Variants in CAD observed in about 807,000 individuals in gnomAD.
CAD encodes the protein carbamoyl-phosphate synthetase 2, aspartate transcarbamylase, and dihydroorotase.
In CAD, 81 loss-of-function variants were observed where a neutral mutation model predicts 237.2. The observed-to-expected ratio is 0.34, with a 90% CI of 0.29 to 0.41. CAD has a LOEUF of 0.41. Ranked by LOEUF, CAD falls within the 10% of genes least tolerant of loss-of-function variation. The pLI is 1.00. For missense variants in CAD, 2,181 were observed against 2,951.7 expected (o/e 0.74, Z 6.05); for synonymous variants, 1,196 against 1,162.8 (o/e 1.03, Z -0.58).
At chr2:27,227,936 A>G (rs1029403172) in intron 15 of CAD, among the ~76,000 whole-genome samples, 2 of 152,240 alleles carry the variant, frequency 1.3e-5, no homozygotes, top group Admixed American at 1.3e-4. Flanking sequence ...CCGTGTATCT[A>G]CGACTGCATA....
Position 27,217,421 on chromosome 2 carries a change from G to T in CAD, c.-131G>T. On this transcript the variant is annotated 5_prime_UTR_variant, in exon 1 of 44. Transcript: ENST00000264705. Reference sequence around the variant, plus strand: ...CCGAGGCTCCTACGCTGCCGCGCCCGGCTTCTCTCCAGCGCCCCGCGCCGT... The same window carrying T: ...CCGAGGCTCCTACGCTGCCGCGCCCTGCTTCTCTCCAGCGCCCCGCGCCGT... 1 of 799,086 alleles carries T rather than the reference G, an allele frequency of 1.3e-6. No individual in the cohort carries two copies. Among genetic ancestry groups the T allele is most frequent in the African/African-American group, 1.8e-5 (1 of 56,214 alleles). The allele number at this position is 799,086 out of a possible 1,614,324, so 49.5% of individuals were successfully genotyped here.
In CAD at chr2:27,232,538, C is replaced by G. The variant is rs1675810995; in HGVS notation, c.2736C>G (p.Ala912=). The change falls in exon 18 of 44, where the codon GCC becomes GCG. Residue 912 remains alanine (A), a synonymous_variant. Coordinates refer to ENST00000264705, the MANE Select transcript of CAD (RefSeq NM_004341.5). The surrounding 1 kb of genome is among the most constrained non-coding windows in gnomAD (Gnocchi z 4.1). ...ACACAGTTGCAGCTGAGTGGCCAGCCCAGACAAATTACCTATACCTAACGT... is the reference window on the plus strand; with the variant it reads ...ACACAGTTGCAGCTGAGTGGCCAGCGCAGACAAATTACCTATACCTAACGT... ...QIDTVAAEWP[A]QTNYLYLTYW... is the part of the protein sequence containing the mutation. 1 of 1,614,098 alleles carries G rather than the reference C, an allele frequency of 6.2e-7. No individual in the cohort carries two copies. The highest frequency in any genetic ancestry group is 8.5e-7 in the Non-Finnish European group (1 of 1,180,012).
At chr2:27,219,060 A>G (rs546116734) in intron 2 of CAD, among the ~76,000 whole-genome samples, 3 of 152,356 alleles carry the variant, frequency 2.0e-5, no homozygotes, top group East Asian at 1.9e-4. Flanking sequence ...CTCTAGACAC[A>G]CTGACTAAAT....
At position 27,233,049 on chromosome 2, in the gene CAD, A is replaced by G. The variant is rs746257636; in HGVS notation, c.2900A>G (p.Tyr967Cys). ...TTCCCCTCCCTCTTGCAGATGGGAT[A>G]TAAGACCATCATGGTGAACTATAAC... ...GCIQQLRKMG[Y>C]KTIMVNYNPE... The change falls in exon 19 of 44, where the codon TAT becomes TGT. Residue 967 changes from tyrosine to cysteine, a missense_variant. Coordinates refer to ENST00000264705, the MANE Select transcript of CAD (RefSeq NM_004341.5). The surrounding 1 kb of genome is among the most constrained non-coding windows in gnomAD (Gnocchi z 6.3). The G allele has an allele frequency of 1.7e-5, 27 of 1,607,636 alleles. No individual in the cohort carries two copies. The highest frequency in any genetic ancestry group is 1.7e-5 in the Non-Finnish European group (20 of 1,174,186).
In CAD at chr2:27,233,611, C is replaced by G. The variant is rs1675869358; in HGVS notation, c.3217-15C>G. ...AAAGTGTGAACAACTCAGCTAAGCTCCCTGCCTCCTGTAGTCTGCTCGCCA... is the reference window on the plus strand; with the variant it reads ...AAAGTGTGAACAACTCAGCTAAGCTGCCTGCCTCCTGTAGTCTGCTCGCCA... On this transcript the variant is annotated splice_polypyrimidine_tract_variant and intron_variant, in intron 20 of 43. Coordinates refer to ENST00000264705, the MANE Select transcript of CAD (RefSeq NM_004341.5). The surrounding 1 kb of genome is among the most constrained non-coding windows in gnomAD (Gnocchi z 6.3). 6.2e-7 allele frequency: 1 copy of G among 1,613,956 alleles called. No homozygotes were observed. Among genetic ancestry groups the G allele is most frequent in the Non-Finnish European group, 8.5e-7 (1 of 1,180,016 alleles).
At chr2:27,238,749 A>T in intron 31 of CAD, 117 bp downstream of exon 31, 1 of 951,696 alleles carries the variant, frequency 1.1e-6, no homozygotes, top group South Asian at 1.7e-5. Flanking sequence ...CTTGATCCGT[A>T]TGGGACCCTA....
chr2:27,226,364 C>A (rs752318138), intron 13 of CAD, 45 bp downstream of exon 13: 1 of 1,590,568 alleles, frequency 6.3e-7, no homozygotes, highest in South Asian at 1.1e-5. Context: ...GTTACCCCCT[C>A]TTCTTGTATA....
chr2:27,225,166 C>T lies in CAD; in HGVS notation c.1543C>T (p.Arg515Ter). ...GGAGACCATTGAGCTGACCGAGGAT[C>T]GACGGGCCTTTGCTGCCAGAATGGC... The part of the protein sequence containing the change: ...PVETIELTED[R>*]RAFAARMAEI... Residue 515 changes from arginine (R) to a stop codon, truncating the protein, a stop_gained, in exon 11 of 44, where the codon CGA becomes TGA. Coordinates refer to ENST00000264705, the MANE Select transcript of CAD (RefSeq NM_004341.5). LOFTEE classifies it high-confidence loss of function. 8.1e-6 allele frequency: 13 copies of T among 1,614,122 alleles called. No individual in the cohort carries two copies. Among genetic ancestry groups the T allele is most frequent in the Non-Finnish European group, 1.1e-5 (13 of 1,180,024 alleles).
At chr2:27,229,994 T>G (rs905166644) in intron 15 of CAD, among the ~76,000 whole-genome samples, 12 of 152,006 alleles carry the variant, frequency 7.9e-5, no homozygotes, top group Non-Finnish European at 1.6e-4. Context: ...TCCCAGCACT[T>G]TGGGAGGCCG....
Position 27,220,656 on chromosome 2 carries a change from CAAAA to C in CAD, c.223-551_223-548del, listed in dbSNP as rs111297719. 3.9e-5 allele frequency among the ~76,000 whole-genome samples: 5 copies of C among 127,080 alleles called. No homozygotes were observed. In the Admixed American group the frequency reaches 4.1e-4, roughly 10 times the overall value. The allele number at this position is 127,080 out of a possible 152,430, so 83.4% of individuals were successfully genotyped here. On this transcript the variant is annotated intron_variant, in intron 2 of 43. Coordinates refer to ENST00000264705, the MANE Select transcript of CAD (RefSeq NM_004341.5). ...CCTGGATAACAGCAAGACCCTGTCT[CAAAA>C]AAAAAAAAAAGGAATGGCTAGGTGC...
Position 27,233,060 on chromosome 2 carries a change from A to C in CAD, c.2911A>C (p.Met971Leu), listed in dbSNP as rs1223444209. 1 of 1,609,572 alleles carries C rather than the reference A, an allele frequency of 6.2e-7. No individual in the cohort carries two copies. Among genetic ancestry groups the C allele is most frequent in the South Asian group, 1.1e-5 (1 of 90,926 alleles). The change falls in exon 19 of 44, where the codon ATG becomes CTG. Residue 971 changes from methionine (M) to leucine (L), a missense_variant. Physicochemically the swap from Met to Leu is conservative, Grantham distance 15. Around this residue, in one of 12 missense-constraint regions of CAD, gnomAD observed 385 missense variants for 535.1 expected, o/e 0.72. Coordinates refer to ENST00000264705, the MANE Select transcript of CAD (RefSeq NM_004341.5). The surrounding 1 kb of genome is among the most constrained non-coding windows in gnomAD (Gnocchi z 6.3). ...CTTGCAGATGGGATATAAGACCATC[A>C]TGGTGAACTATAACCCAGAGACAGT... ...QLRKMGYKTI[M>L]VNYNPETVST...
chr2:27,240,475 T>G lies in CAD; in HGVS notation c.5593+114T>G. ...TCCTCTCCATCCCTTTATCCTCGTC[T>G]GATCTGCCGTGCCATCCTTTGCCTA... On this transcript the variant is annotated intron_variant, in intron 35 of 43. Transcript: ENST00000264705. The surrounding 1 kb of genome is among the most constrained non-coding windows in gnomAD (Gnocchi z 4.6). The G allele has an allele frequency of 1.4e-6, 2 of 1,479,680 alleles. No homozygotes were observed. The highest frequency in any genetic ancestry group is 1.9e-6 in the Non-Finnish European group (2 of 1,069,754). The allele number at this position is 1,479,680 out of a possible 1,614,324, so 91.7% of individuals were successfully genotyped here.
rs1676279473 is a variant in CAD at position 27,240,798 on chromosome 2, T to C, written c.5594-113T>C. The C allele has an allele frequency of 7.8e-7, 1 of 1,275,032 alleles. No homozygotes were observed. Among genetic ancestry groups the C allele is most frequent in the Non-Finnish European group, 1.1e-6 (1 of 892,050 alleles). 79.0% of individuals were successfully genotyped at this position (1,275,032 alleles called of 1,614,324 possible). A position where few individuals can be genotyped will look rare whatever the true frequency, so the allele number is the denominator to read the frequency against. The stretch of plus-strand genomic sequence containing the variant: ...GCCCTCCCCTAACCTGCTATATTAC[T>C]GTGTTGTGAATTGGTTTAACATATA... On this transcript the variant is annotated intron_variant, in intron 35 of 43. Transcript: ENST00000264705. This position sits in a 1 kb window ranked among gnomAD's most constrained non-coding sequence, Gnocchi z 4.6.
rs771588666 is a variant in CAD at position 27,241,388 on chromosome 2, A to C, written c.5875A>C (p.Ile1959Leu). 6.2e-7 allele frequency: 1 copy of C among 1,614,142 alleles called. No individual in the cohort carries two copies. The highest frequency in any genetic ancestry group is 1.1e-5 in the South Asian group (1 of 91,080). Residue 1959 changes from isoleucine (I) to leucine (L), a missense_variant, in exon 38 of 44, where the codon ATC becomes CTC. Around this residue, in one of 12 missense-constraint regions of CAD, gnomAD observed 203 missense variants for 284.5 expected, o/e 0.71. Coordinates refer to ENST00000264705, the MANE Select transcript of CAD (RefSeq NM_004341.5). This position sits in a 1 kb window ranked among gnomAD's most constrained non-coding sequence, Gnocchi z 4.6. ...MMVQKERSLD[I>L]LKGKVMASMF... ...GGTGCAGAAGGAGCGGAGCCTCGAC[A>C]TCCTGAAGGTCAGGATCAGGGCCGG...
In CAD at chr2:27,236,841, G is replaced by A; in HGVS notation, c.4396+11G>A. 1 of 1,613,160 alleles carries A rather than the reference G, an allele frequency of 6.2e-7. No homozygotes were observed. The highest frequency in any genetic ancestry group is 8.5e-7 in the Non-Finnish European group (1 of 1,179,202). ...TTGTGCGACTGCCGGGTAAGTCTTTGGGGAGAACTTGGCTTCTGAACACTG... is the reference window on the plus strand; with the variant it reads ...TTGTGCGACTGCCGGGTAAGTCTTTAGGGAGAACTTGGCTTCTGAACACTG... On this transcript the variant is annotated intron_variant, in intron 27 of 43. Transcript: ENST00000264705. The surrounding 1 kb of genome is among the most constrained non-coding windows in gnomAD (Gnocchi z 4.1).
At position 27,231,489 on chromosome 2, in the gene CAD, G is replaced by A. The variant is rs1048508380; in HGVS notation, c.2309G>A (p.Arg770His). 38 of 1,610,144 alleles carry A rather than the reference G, an allele frequency of 2.4e-5. No homozygotes were observed. Among genetic ancestry groups the A allele is most frequent in the Non-Finnish European group, 3.0e-5 (35 of 1,176,566 alleles). ...CCAGGTGAAGTCATGGGCATTGGGC[G>A]TTCATTTGAGGAGGCCTTCCAGAAG... ...KSVGEVMGIG[R>H]SFEEAFQKAL... Residue 770 changes from arginine to histidine, a missense_variant, in exon 16 of 44, where the codon CGT becomes CAT. Physicochemically the swap from Arg to His is conservative, Grantham distance 29. Transcript: ENST00000264705.
At chr2:27,226,364 C>T (rs752318138) in intron 13 of CAD, 45 bp downstream of exon 13, 13 of 1,590,450 alleles carry the variant, frequency 8.2e-6, no homozygotes, top group Admixed American at 3.4e-5. Flanking sequence ...GTTACCCCCT[C>T]TTCTTGTATA....
intron 31 of CAD, 129 bp downstream of exon 31, chr2:27,238,761 C>A: frequency 4.8e-6 from 4 of 832,470 alleles, no homozygotes; most frequent in African/African-American, 1.7e-5. Context: ...GGGACCCTAG[C>A]CTCTAGGGTA....
In CAD at chr2:27,225,229, A is replaced by C. The variant is rs757485336; in HGVS notation, c.1606A>C (p.Asn536His). The C allele has an allele frequency of 1.4e-5, 23 of 1,611,474 alleles. No individual in the cohort carries two copies. The highest frequency in any genetic ancestry group is 2.0e-5 in the Non-Finnish European group (23 of 1,178,054). The stretch of plus-strand genomic sequence containing the variant: ...GCATGTGGCCCCGAGCGAGGCAGCA[A>C]ATTCTCTTGAACAGGTTGGAGGGGT... The part of the protein sequence containing the change: ...GEHVAPSEAA[N>H]SLEQAQAAAE... Residue 536 changes from asparagine to histidine, a missense_variant, in exon 11 of 44, where the codon AAT becomes CAT. Asn to His is a moderately conservative substitution (Grantham distance 68, BLOSUM62 1). This residue lies in a region of CAD where 174 missense variants were observed against 215.8 expected (regional missense o/e 0.81). Transcript: ENST00000264705.
Sources: gnomAD v4.1 joint callset for allele counts (sites outside exome capture counted in the v4.1 genomes callset) on GRCh38, gnomAD v4.1.1 for gene constraint, gnomAD v4.1.1 regional missense constraint, Gnocchi (gnomAD v3.1) non-coding constraint, MANE v1.5 for transcripts, NCBI Gene and HGNC (gene_info 2026-07-23, HGNC 2026-07-21) for gene names.